Variants in IQCJ observed in about 807,000 individuals in gnomAD.
IQCJ encodes the protein IQ motif containing J, also known as IQ domain-containing protein J.
A neutral mutation model predicts 11.0 loss-of-function variants in IQCJ; 9 were observed. The ratio of observed to expected loss-of-function variants is 0.82; its 90% CI spans 0.49 to 1.43. IQCJ has a LOEUF of 1.43. IQCJ is among the 40% of genes most tolerant of loss of function. IQCJ has a pLI of 0.00. For missense variants in IQCJ, 146 were observed against 133.2 expected, an observed-to-expected ratio of 1.10 and a Z score of -0.47; for synonymous variants, 55 against 51.3, an observed-to-expected ratio of 1.07 and a Z score of -0.31.
intron 1 of IQCJ, among the ~76,000 whole-genome samples, chr3:159,151,488 C>A (rs933934612): frequency 6.6e-6 from 1 of 152,228 alleles, no homozygotes; most frequent in Admixed American, 6.5e-5. Flanking sequence ...GCTGCTCTGG[C>A]CTGCTGTCTC....
At chr3:159,152,240 G>T (rs936434683) in intron 1 of IQCJ, among the ~76,000 whole-genome samples, 2 of 152,196 alleles carry the variant, frequency 1.3e-5, no homozygotes, top group African/African-American at 2.4e-5. Context: ...GTAACGTAAT[G>T]ATGGCTGTGA....
At chr3:159,080,563 T>G (rs1167056183) in intron 1 of IQCJ, among the ~76,000 whole-genome samples, 5 of 152,174 alleles carry the variant, frequency 3.3e-5, no homozygotes. Context: ...ACCGCGTTAG[T>G]GTTTCATCTT....
chr3:159,188,458 T>G (rs1052315366), intron 1 of IQCJ, among the ~76,000 whole-genome samples: 2 of 152,064 alleles, frequency 1.3e-5, no homozygotes, highest in Non-Finnish European at 2.9e-5. Context: ...CAACAAAAAT[T>G]ATTTTTAAGA....
intron 1 of IQCJ, among the ~76,000 whole-genome samples, chr3:159,242,838 T>C (rs1727015282): frequency 6.6e-6 from 1 of 152,078 alleles, no homozygotes; most frequent in Admixed American, 6.5e-5. Context: ...TAAATTATAT[T>C]GCATCAAAAT....
At chr3:159,158,071 C>G (rs1272153731) in intron 1 of IQCJ, among the ~76,000 whole-genome samples, 1 of 152,052 alleles carries the variant, frequency 6.6e-6, no homozygotes, top group African/African-American at 2.4e-5. Flanking sequence ...ATTACTAGGT[C>G]AAAGAGAATA....
chr3:159,085,245 A>G (rs1716644160), intron 1 of IQCJ, among the ~76,000 whole-genome samples: 1 of 151,288 alleles, frequency 6.6e-6, no homozygotes, highest in Non-Finnish European at 1.5e-5. Flanking sequence ...AAGGACATGA[A>G]CTCATCATTT....
intron 1 of IQCJ, among the ~76,000 whole-genome samples, chr3:159,173,330 C>T (rs756531228): frequency 5.9e-5 from 9 of 152,220 alleles, no homozygotes; most frequent in Middle Eastern, 3.4e-3. Context: ...AATAGGTTGT[C>T]CTTGGAACTC....
intron 1 of IQCJ, among the ~76,000 whole-genome samples, chr3:159,124,914 A>G (rs1719586473): frequency 6.6e-6 from 1 of 152,190 alleles, no homozygotes; most frequent in Non-Finnish European, 1.5e-5. Context: ...CTTTACATTG[A>G]TTACCTCAAG....
At chr3:159,188,096 CT>C (rs1723477038) in intron 1 of IQCJ, among the ~76,000 whole-genome samples, 1 of 152,188 alleles carries the variant, frequency 6.6e-6, no homozygotes. Context: ...TGCTCTCAGC[CT>C]TTTTCTTTCT....
At chr3:159,251,487 A>G (rs1727595085) in intron 2 of IQCJ, among the ~76,000 whole-genome samples, 1 of 151,946 alleles carries the variant, frequency 6.6e-6, no homozygotes. Flanking sequence ...ACTGTAGATC[A>G]TAATCTATTG....
chr3:159,142,002 G>C (rs1054444353), intron 1 of IQCJ, among the ~76,000 whole-genome samples: 1 of 152,170 alleles, frequency 6.6e-6, no homozygotes, highest in Admixed American at 6.5e-5. Context: ...TAGTCTATCT[G>C]TTCTTAAGTT....
intron 1 of IQCJ, among the ~76,000 whole-genome samples, chr3:159,091,694 A>G (rs1352026254): frequency 6.6e-6 from 1 of 150,784 alleles, no homozygotes; most frequent in South Asian, 2.1e-4. Flanking sequence ...ACACACACAC[A>G]CACACACACA....
At chr3:159,118,711 A>T (rs1198920278) in intron 1 of IQCJ, among the ~76,000 whole-genome samples, 2 of 152,192 alleles carry the variant, frequency 1.3e-5, no homozygotes, top group Non-Finnish European at 2.9e-5. Flanking sequence ...AATATAAACC[A>T]TACACATACT....
intron 1 of IQCJ, among the ~76,000 whole-genome samples, chr3:159,226,905 T>C (rs1212642061): frequency 2.0e-5 from 3 of 152,220 alleles, no homozygotes; most frequent in Admixed American, 2.0e-4. Context: ...TTATGTTGGA[T>C]TGTGTGTGTT....
intron 1 of IQCJ, among the ~76,000 whole-genome samples, chr3:159,138,775 C>T (rs1720438233): frequency 6.6e-6 from 1 of 152,154 alleles, no homozygotes; most frequent in South Asian, 2.1e-4. Flanking sequence ...TGTTCTAATG[C>T]TTTCAGATGA....
chr3:159,121,714 T>C (rs938994337), intron 1 of IQCJ, among the ~76,000 whole-genome samples: 19 of 152,154 alleles, frequency 1.2e-4, no homozygotes, highest in African/African-American at 4.6e-4. Context: ...TTGAAACACA[T>C]TTTCGAAGTA....
intron 1 of IQCJ, among the ~76,000 whole-genome samples, chr3:159,198,942 A>T (rs1211620541): frequency 6.6e-6 from 1 of 152,182 alleles, no homozygotes; most frequent in Non-Finnish European, 1.5e-5. Context: ...ATCTGCCTCC[A>T]TTTACCTGGC....
At chr3:159,199,500 C>A (rs912329879) in intron 1 of IQCJ, among the ~76,000 whole-genome samples, 2 of 152,134 alleles carry the variant, frequency 1.3e-5, no homozygotes, top group Non-Finnish European at 2.9e-5. Context: ...AGCTCCAGAA[C>A]TGTAAAAGAA....
chr3:159,244,529 T>C (rs1003320912), intron 1 of IQCJ, among the ~76,000 whole-genome samples: 1 of 152,240 alleles, frequency 6.6e-6, no homozygotes, highest in Non-Finnish European at 1.5e-5. Context: ...AACAATTCTT[T>C]GCTCTTCCTG....
Sources: gnomAD v4.1 joint callset for allele counts (sites outside exome capture counted in the v4.1 genomes callset) on GRCh38, gnomAD v4.1.1 for gene constraint, MANE v1.5 for transcripts, NCBI Gene and HGNC (gene_info 2026-07-23, HGNC 2026-07-21) for gene names.